DLG2: variants seen among roughly 807,000 people sequenced by gnomAD.
DLG2 encodes the protein disks large homolog 2.
In DLG2, 45 loss-of-function variants were observed where a neutral mutation model predicts 132.5. The observed-to-expected ratio is 0.34, with a 90% confidence interval of 0.27 to 0.44. The LOEUF (loss-of-function observed/expected upper bound fraction) is 0.44. Among genes scored for constraint, DLG2 ranks in the 20% least tolerant of loss-of-function variants. The probability of loss-of-function intolerance (pLI) is 1.00; values close to 1 mark genes in which losing one functional copy is unlikely to be tolerated. For synonymous variants in DLG2, 424 were observed against 419.6 expected, an observed-to-expected ratio of 1.01 and a Z score of -0.13; for missense variants, 1,045 against 1,196.9, an observed-to-expected ratio of 0.87 and a Z score of 1.87.
chr11:84,391,926 T>C (rs762760118), intron 7 of DLG2, among the ~76,000 whole-genome samples: 10 of 152,170 alleles, frequency 6.6e-5, no homozygotes, highest in Non-Finnish European at 1.3e-4. Context: ...TAGTTTTCCA[T>C]TCCATGGGAA....
intron 7 of DLG2, among the ~76,000 whole-genome samples, chr11:84,464,175 G>C (rs1285455103): frequency 6.6e-6 from 1 of 151,098 alleles, no homozygotes; most frequent in African/African-American, 2.4e-5. Context: ...TGTGCTCTGG[G>C]AGCATATATG....
chr11:83,514,810 C>T (rs1469463221), intron 21 of DLG2, among the ~76,000 whole-genome samples: 3 of 152,086 alleles, frequency 2.0e-5, no homozygotes, highest in Non-Finnish European at 4.4e-5. Flanking sequence ...GTCATTGGTT[C>T]TGTTTATATG....
intron 7 of DLG2, among the ~76,000 whole-genome samples, chr11:84,257,460 A>G (rs1325088196): frequency 2.0e-5 from 3 of 152,198 alleles, no homozygotes; most frequent in Non-Finnish European, 4.4e-5. Flanking sequence ...CTTATATAGC[A>G]AATACTTTAT....
At chr11:85,128,218 T>A (rs1178569097) in intron 5 of DLG2, among the ~76,000 whole-genome samples, 1 of 150,756 alleles carries the variant, frequency 6.6e-6, no homozygotes, top group Non-Finnish European at 1.5e-5. Flanking sequence ...ATTTGTAGAT[T>A]TTTTTTAAAC....
chr11:85,021,690 T>C, intron 6 of DLG2: 1 of 993,056 alleles, frequency 1.0e-6, no homozygotes, highest in Non-Finnish European at 1.6e-6. Context: ...CAGCTGAAAA[T>C]GTGGCTGAAG....
intron 6 of DLG2, among the ~76,000 whole-genome samples, chr11:84,942,488 A>G (rs1238069751): frequency 1.3e-5 from 2 of 152,162 alleles, no homozygotes; most frequent in Non-Finnish European, 1.5e-5. Context: ...CACATTCAAG[A>G]GCATATTATT....
At chr11:84,324,577 T>C (rs1427220718) in intron 7 of DLG2, among the ~76,000 whole-genome samples, 1 of 152,134 alleles carries the variant, frequency 6.6e-6, no homozygotes, top group Non-Finnish European at 1.5e-5. Context: ...CTGTAACAAA[T>C]ACCATCGAGA....
intron 8 of DLG2, among the ~76,000 whole-genome samples, chr11:84,182,623 T>C (rs2096166996): frequency 6.6e-6 from 1 of 152,146 alleles, no homozygotes. Flanking sequence ...GGGAAATTCA[T>C]AGCATCGAAT....
chr11:85,040,921 G>A (rs75675042), intron 6 of DLG2, among the ~76,000 whole-genome samples: 2,367 of 151,806 alleles, frequency 0.016, 78 homozygotes, highest in African/African-American at 0.053. Flanking sequence ...AGAGAAAAAC[G>A]ATTTTTTAAA....
At chr11:84,310,642 G>A (rs2098277197) in intron 7 of DLG2, among the ~76,000 whole-genome samples, 1 of 152,162 alleles carries the variant, frequency 6.6e-6, no homozygotes, top group Admixed American at 6.5e-5. Flanking sequence ...GTTATCACTT[G>A]CTCTCTTCTG....
At chr11:84,700,007 C>T (rs557825189) in intron 6 of DLG2, among the ~76,000 whole-genome samples, 1 of 151,626 alleles carries the variant, frequency 6.6e-6, no homozygotes, top group South Asian at 2.1e-4. Context: ...TAATAACTAC[C>T]TAATATGCCA....
chr11:84,611,080 A>G (rs988050741), intron 6 of DLG2, among the ~76,000 whole-genome samples: 5 of 147,972 alleles, frequency 3.4e-5, no homozygotes, highest in African/African-American at 1.3e-4. Context: ...ATGTTTCCCA[A>G]TGGTTTATGC....
intron 10 of DLG2, among the ~76,000 whole-genome samples, chr11:84,094,379 C>T (rs534170039): frequency 4.6e-4 from 70 of 152,212 alleles, no homozygotes; most frequent in Non-Finnish European, 9.3e-4. Flanking sequence ...TATTACATAA[C>T]CACTAATTTA....
chr11:84,702,327 G>A (rs768353691), intron 6 of DLG2, among the ~76,000 whole-genome samples: 61 of 151,572 alleles, frequency 4.0e-4, no homozygotes, highest in Non-Finnish European at 6.9e-4. Context: ...TTACTCTAAT[G>A]TACTTAGTGC....
chr11:85,503,736 G>A (rs191028317), intron 3 of DLG2, among the ~76,000 whole-genome samples: 125 of 152,090 alleles, frequency 8.2e-4, no homozygotes, highest in African/African-American at 2.7e-3. Context: ...GTTCAAGACC[G>A]AGCCAGGTAA....
At chr11:85,022,833 T>G (rs973150201) in intron 6 of DLG2, among the ~76,000 whole-genome samples, 1 of 152,114 alleles carries the variant, frequency 6.6e-6, no homozygotes, top group African/African-American at 2.4e-5. Context: ...ATGCATACCA[T>G]TTACCTTATT....
chr11:84,263,741 G>A (rs1515092), intron 7 of DLG2, among the ~76,000 whole-genome samples: 119,461 of 151,990 alleles, frequency 0.79, 47,704 homozygotes, highest in Middle Eastern at 0.88. Flanking sequence ...TAACAGGTGA[G>A]GCTATACAGA....
At chr11:84,609,462 A>G (rs1357800351) in intron 6 of DLG2, among the ~76,000 whole-genome samples, 4 of 152,132 alleles carry the variant, frequency 2.6e-5, no homozygotes, top group African/African-American at 4.8e-5. Context: ...TTTTGGTGAG[A>G]AGACATAGTA....
rs1364288562 is a variant in DLG2, at chr11:85,142,995, G to T, written c.282+11561C>A. ...GATTTTTGCATCTATGTTCATCAGA[G>T]ATATTTGCCTATAGTTTTCTTTTTT... On this transcript the variant is annotated intron_variant, in intron 5 of 27. Coordinates refer to ENST00000376104, the MANE Select transcript of DLG2 (RefSeq NM_001142699.3). 2.0e-5 allele frequency among the ~76,000 whole-genome samples: 3 copies of T among 151,850 alleles called. No individual in the cohort carries two copies. In the East Asian group the frequency reaches 5.8e-4, roughly 29 times the overall value.
Sources: allele counts gnomAD v4.1 joint callset (sites outside exome capture counted in the v4.1 genomes callset), GRCh38; gene constraint gnomAD v4.1.1; transcripts MANE v1.5; gene names NCBI Gene and HGNC (gene_info 2026-07-23, HGNC 2026-07-21).